PRTG: variants seen among roughly 807,000 people sequenced by gnomAD.
PRTG encodes protogenin, also known as immunoglobulin superfamily, DCC subclass, member 5.
PRTG carries 67 observed loss-of-function variants against 122.5 expected under a neutral mutation model. The ratio of observed to expected loss-of-function variants is 0.55; its 90% CI spans 0.45 to 0.67. The LOEUF (loss-of-function observed/expected upper bound fraction) is 0.67. PRTG is among the 30% of genes least tolerant of loss of function. The pLI is 0.00. For synonymous variants in PRTG, 554 were observed against 501.1 expected, an observed-to-expected ratio of 1.11 and a Z score of -1.41; for missense variants, 1,435 against 1,415.4, an observed-to-expected ratio of 1.01 and a Z score of -0.22.
intron 2 of PRTG, among the ~76,000 whole-genome samples, chr15:55,724,698 C>T (rs1421145258): frequency 6.6e-6 from 1 of 151,970 alleles, no homozygotes; most frequent in Non-Finnish European, 1.5e-5. Context: ...GCAGAGGTTG[C>T]GGTGAGCCAA....
chr15:55,644,058 T>G (rs759211465), intron 11 of PRTG, among the ~76,000 whole-genome samples: 6 of 151,876 alleles, frequency 4.0e-5, no homozygotes, highest in Non-Finnish European at 8.8e-5. Flanking sequence ...AGGCTGGTTT[T>G]GAACTCCTAG....
At chr15:55,684,033 G>T (rs1194459441) in intron 2 of PRTG, 102 bp from the exon 3 acceptor site, 2 of 921,088 alleles carry the variant, frequency 2.2e-6, no homozygotes, top group Non-Finnish European at 3.2e-6. Flanking sequence ...CCCTTGCTTG[G>T]ATATAAGACC....
At chr15:55,725,001 C>A (rs1387845545) in intron 2 of PRTG, among the ~76,000 whole-genome samples, 1 of 152,142 alleles carries the variant, frequency 6.6e-6, no homozygotes, top group Non-Finnish European at 1.5e-5. Context: ...GTAAATGTCA[C>A]TATGTAGGCA....
In PRTG at chr15:55,616,939, G is replaced by A. The variant is rs1038218099; in HGVS notation, c.*3073C>T. 6.6e-6 allele frequency: 1 copy of A among 152,038 alleles called. No homozygotes were observed. Among genetic ancestry groups the A allele is most frequent in the African/African-American group, 2.4e-5 (1 of 41,426 alleles). 9.4% of individuals were successfully genotyped at this position (152,038 alleles called of 1,614,324 possible). On this transcript the variant is annotated 3_prime_UTR_variant, in exon 20 of 20. Transcript: ENST00000389286. ...TAATGGTCTTTGGTATGAAAATACT[G>A]ATGAGCAGTATCTTGTAATATTTGG...
intron 2 of PRTG, among the ~76,000 whole-genome samples, chr15:55,719,083 A>T (rs192920146): frequency 7.9e-4 from 121 of 152,236 alleles, no homozygotes; most frequent in African/African-American, 2.7e-3. Flanking sequence ...ACACATATAT[A>T]ACTGGTTCTA....
intron 2 of PRTG, among the ~76,000 whole-genome samples, chr15:55,737,978 C>CTT (rs142866095): frequency 0.13 from 7,503 of 59,592 alleles, 278 homozygotes; most frequent in Non-Finnish European, 0.18. Flanking sequence ...AATGCCTATT[C>CTT]TCTCTCTCTC....
chr15:55,676,719 T>C (rs1019193662), intron 8 of PRTG, among the ~76,000 whole-genome samples: 1 of 152,174 alleles, frequency 6.6e-6, no homozygotes, highest in East Asian at 1.9e-4. Flanking sequence ...CTGAGCCTCA[T>C]GTGGAGGCTC....
intron 16 of PRTG, among the ~76,000 whole-genome samples, chr15:55,628,024 C>T (rs76866987): frequency 0.01 from 1,561 of 152,194 alleles, 19 homozygotes; most frequent in Non-Finnish European, 0.011. Flanking sequence ...TTTCCATTTC[C>T]CCTGATAACA....
intron 2 of PRTG, among the ~76,000 whole-genome samples, chr15:55,694,875 T>G (rs2059623580): frequency 6.6e-6 from 1 of 152,200 alleles, no homozygotes; most frequent in Non-Finnish European, 1.5e-5. Flanking sequence ...ACAGCCTCCT[T>G]GTGAAACCTG....
At chr15:55,693,352 A>G (rs1352588966) in intron 2 of PRTG, among the ~76,000 whole-genome samples, 1 of 151,792 alleles carries the variant, frequency 6.6e-6, no homozygotes, top group African/African-American at 2.4e-5. Flanking sequence ...GCTACTTGGG[A>G]GGGTGAGGCA....
intron 11 of PRTG, among the ~76,000 whole-genome samples, chr15:55,668,921 G>A (rs1446902311): frequency 3.3e-5 from 5 of 152,118 alleles, no homozygotes; most frequent in Non-Finnish European, 7.4e-5. Flanking sequence ...AATTTGTGCA[G>A]ATATTGGAAA....
At position 55,628,905 on chromosome 15, in the gene PRTG, T is replaced by G; in HGVS notation, c.2723A>C (p.Asn908Thr). The change falls in exon 16 of 20, where the codon AAT becomes ACT. Residue 908 changes from asparagine to threonine, a missense_variant. By Grantham distance (65) the Asn-to-Thr change is moderately conservative. Transcript: ENST00000389286. ...SNEVGEGPFS[N>T]SVELAVLPKE... ...TGGAAGTACTGCCAGCTCCACAGAA[T>G]TTGAAAAGGGTCCTTCTCCCACCTC... 1.2e-6 allele frequency: 2 copies of G among 1,614,074 alleles called. No individual in the cohort carries two copies. Among genetic ancestry groups the G allele is most frequent in the East Asian group, 4.5e-5 (2 of 44,872 alleles).
rs1312892423 is a variant in PRTG at position 55,713,897 on chromosome 15, A to G, written c.397+26485T>C. 2.0e-5 allele frequency among the ~76,000 whole-genome samples: 3 copies of G among 152,076 alleles called. No individual in the cohort carries two copies. The East Asian group carries it at 5.8e-4, about 29-fold the overall frequency. ...CTGTCTTTCTGAAATTCAGAAGTTT[A>G]AAAATTTGTTTTAACTTAATAAAAT... On this transcript the variant is annotated intron_variant, in intron 2 of 19. Coordinates refer to ENST00000389286, the MANE Select transcript of PRTG (RefSeq NM_173814.6).
chr15:55,738,890 A>G (rs1011772349), intron 2 of PRTG, among the ~76,000 whole-genome samples: 12 of 115,444 alleles, frequency 1.0e-4, no homozygotes, highest in African/African-American at 4.1e-4. Context: ...GAAAAGACAG[A>G]GGAAGGAAGG....
chr15:55,638,158 C>T (rs964683435), intron 14 of PRTG, among the ~76,000 whole-genome samples: 1 of 152,218 alleles, frequency 6.6e-6, no homozygotes, highest in Non-Finnish European at 1.5e-5. Flanking sequence ...ACAAATTGCA[C>T]TGTGCACACT....
rs1295216744 is a variant in PRTG at position 55,689,569 on chromosome 15, T to C, written c.398-5638A>G. 8.7e-5 allele frequency among the ~76,000 whole-genome samples: 13 copies of C among 149,814 alleles called. No individual in the cohort carries two copies. The East Asian group carries it at 2.4e-3, about 27-fold the overall frequency. On this transcript the variant is annotated intron_variant, in intron 2 of 19. Transcript: ENST00000389286. ...GTTGATGGGTGCAGCAAAACCAACA[T>C]AGGCACATGTATACCTATGTAACAA...
chr15:55,669,335 T>C (rs139272974), intron 11 of PRTG, among the ~76,000 whole-genome samples: 2 of 152,320 alleles, frequency 1.3e-5, no homozygotes, highest in East Asian at 1.9e-4. Context: ...GTATCTTTAA[T>C]GTGCAAAAGC....
chr15:55,721,833 C>G (rs2141869647), intron 2 of PRTG, among the ~76,000 whole-genome samples: 1 of 152,264 alleles, frequency 6.6e-6, no homozygotes, highest in South Asian at 2.1e-4. Context: ...TGGGGAAGCC[C>G]TTATAAAACC....
At chr15:55,636,774 G>A (rs1197742001) in intron 15 of PRTG, among the ~76,000 whole-genome samples, 1 of 151,762 alleles carries the variant, frequency 6.6e-6, no homozygotes, top group African/African-American at 2.4e-5. Flanking sequence ...AGCCTCCTAA[G>A]TAGCTTGGAT....
Sources: gnomAD v4.1 joint callset for allele counts (sites outside exome capture counted in the v4.1 genomes callset) on GRCh38, gnomAD v4.1.1 for gene constraint, MANE v1.5 for transcripts, NCBI Gene and HGNC (gene_info 2026-07-23, HGNC 2026-07-21) for gene names.